Variants in AUTS2 observed in about 807,000 individuals in gnomAD.
AUTS2 encodes the protein autism susceptibility gene 2 protein.
In AUTS2, 17 loss-of-function variants were observed where a neutral mutation model predicts 112.4. The observed-to-expected ratio is 0.15, with a 90% confidence interval of 0.10 to 0.23. The LOEUF (loss-of-function observed/expected upper bound fraction) is 0.23. AUTS2 is among the 10% of genes least tolerant of loss of function. The pLI is 1.00. For missense variants in AUTS2, 1,510 were observed against 1,701.6 expected, an observed-to-expected ratio of 0.89 and a Z score of 1.98; for synonymous variants, 751 against 702.7, an observed-to-expected ratio of 1.07 and a Z score of -1.09.
At chr7:69,947,078 C>T (rs1170227871) in intron 2 of AUTS2, among the ~76,000 whole-genome samples, 4 of 152,190 alleles carry the variant, frequency 2.6e-5, no homozygotes, top group South Asian at 4.1e-4. Flanking sequence ...GTTGTCGTTA[C>T]AGATGCTCCG....
chr7:70,428,388 C>T (rs909793254), intron 4 of AUTS2, among the ~76,000 whole-genome samples: 1 of 152,124 alleles, frequency 6.6e-6, no homozygotes. Context: ...TTTTTAGTCA[C>T]CATGCTGCTA....
chr7:70,776,893 C>G (rs1445705391), intron 13 of AUTS2: 3 of 597,278 alleles, frequency 5.0e-6, no homozygotes, highest in Admixed American at 3.0e-5. Flanking sequence ...GAGTAGCAAA[C>G]CCACGTGGGG....
At chr7:70,636,868 C>T (rs950215103) in intron 5 of AUTS2, among the ~76,000 whole-genome samples, 11 of 152,002 alleles carry the variant, frequency 7.2e-5, no homozygotes, top group African/African-American at 1.7e-4. Flanking sequence ...GTCTTGAACT[C>T]GTGGCCTCAA....
intron 1 of AUTS2, among the ~76,000 whole-genome samples, chr7:69,678,677 G>T (rs961040144): frequency 1.3e-5 from 2 of 152,192 alleles, no homozygotes; most frequent in Admixed American, 6.5e-5. Context: ...TGTTCTTGTG[G>T]AAGGGAGGAA....
intron 1 of AUTS2, among the ~76,000 whole-genome samples, chr7:69,745,475 C>G (rs530527093): frequency 6.6e-6 from 1 of 152,312 alleles, no homozygotes; most frequent in Non-Finnish European, 1.5e-5. Context: ...ACTGTTACCA[C>G]TGCATCAGAG....
chr7:70,553,485 T>G (rs1205412450), intron 5 of AUTS2, among the ~76,000 whole-genome samples: 2 of 152,180 alleles, frequency 1.3e-5, no homozygotes, highest in Non-Finnish European at 2.9e-5. Context: ...CTGTTGGCAG[T>G]GTTTTTGTGC....
chr7:69,921,342 T>G (rs965438468), intron 2 of AUTS2, among the ~76,000 whole-genome samples: 6 of 150,620 alleles, frequency 4.0e-5, no homozygotes, highest in South Asian at 2.1e-4. Context: ...TTTTTTTTTT[T>G]TTTTTTTTTT....
chr7:70,361,735 G>C (rs1200803725), intron 4 of AUTS2, among the ~76,000 whole-genome samples: 1 of 152,192 alleles, frequency 6.6e-6, no homozygotes, highest in African/African-American at 2.4e-5. Context: ...CAGGGAGTAA[G>C]TAATACATGC....
At chr7:70,245,170 A>ATATATAT (rs57817453) in intron 4 of AUTS2, among the ~76,000 whole-genome samples, 46 of 133,724 alleles carry the variant, frequency 3.4e-4, no homozygotes, top group Middle Eastern at 4.1e-3. Context: ...ATATATATAT[A>ATATATAT]AAAAATAAAA....
At chr7:70,776,185 G>A (rs945589791) in intron 13 of AUTS2, among the ~76,000 whole-genome samples, 3 of 152,226 alleles carry the variant, frequency 2.0e-5, no homozygotes, top group African/African-American at 7.2e-5. Flanking sequence ...ACTCCATACT[G>A]TAGAAACCAG....
At chr7:70,290,892 A>AAAT (rs1174881358) in intron 4 of AUTS2, 1 of 158,044 alleles carries the variant, frequency 6.3e-6, no homozygotes, top group African/African-American at 2.4e-5. Flanking sequence ...AATAAATTTA[A>AAAT]AATAACCGTG....
intron 2 of AUTS2, among the ~76,000 whole-genome samples, chr7:70,027,969 A>G (rs1800596654): frequency 1.3e-5 from 2 of 152,196 alleles, no homozygotes; most frequent in Admixed American, 1.3e-4. Flanking sequence ...AGTGGAATTA[A>G]GACAGTCATA....
At chr7:70,011,687 T>G (rs1403565518) in intron 2 of AUTS2, among the ~76,000 whole-genome samples, 1 of 152,080 alleles carries the variant, frequency 6.6e-6, no homozygotes, top group Non-Finnish European at 1.5e-5. Context: ...AACAAGCAGT[T>G]CTTAGCTTTT....
At chr7:70,471,779 T>C (rs1472221811) in intron 5 of AUTS2, among the ~76,000 whole-genome samples, 1 of 152,090 alleles carries the variant, frequency 6.6e-6, no homozygotes, top group East Asian at 1.9e-4. Flanking sequence ...AGCGAAGATC[T>C]GAAGGAGGTG....
intron 2 of AUTS2, among the ~76,000 whole-genome samples, chr7:69,985,854 C>T (rs1367378744): frequency 6.6e-6 from 1 of 151,904 alleles, no homozygotes; most frequent in South Asian, 2.1e-4. Flanking sequence ...CTCCTCGGTT[C>T]AAGTGATCCT....
chr7:70,509,008 C>T (rs1197896314), intron 5 of AUTS2, among the ~76,000 whole-genome samples: 6 of 152,154 alleles, frequency 3.9e-5, no homozygotes, highest in Non-Finnish European at 8.8e-5. Flanking sequence ...ATACTTTTCT[C>T]CTTTCATTAT....
chr7:69,727,957 T>C (rs1164507760), intron 1 of AUTS2, among the ~76,000 whole-genome samples: 1 of 152,186 alleles, frequency 6.6e-6, no homozygotes, highest in Non-Finnish European at 1.5e-5. Context: ...GAACAGAATC[T>C]CGTTCATTCC....
At position 70,781,707 on chromosome 7, in the gene AUTS2, C is replaced by T. The variant is rs534683717; in HGVS notation, c.2097C>T (p.Ile699=). The T allele has an allele frequency of 2.6e-5, 42 of 1,614,200 alleles. No individual in the cohort carries two copies. The East Asian group carries it at 8.5e-4, about 33-fold the overall frequency. ...CAGGCCCCAGTCTTTTTGGAGCCAT[C>T]CACCACCCCCATGACCTGGCACGGC... The part of the protein sequence containing the change: ...RPPGPSLFGA[I]HHPHDLARPS... Residue 699 remains isoleucine (I), a synonymous_variant, in exon 15 of 19, where the codon ATC becomes ATT. Coordinates refer to ENST00000342771, the MANE Select transcript of AUTS2 (RefSeq NM_015570.4).
intron 5 of AUTS2, among the ~76,000 whole-genome samples, chr7:70,477,600 A>T (rs994789754): frequency 6.6e-6 from 1 of 152,138 alleles, no homozygotes; most frequent in African/African-American, 2.4e-5. Context: ...GCTGGCACGT[A>T]CCTGATTTGG....
Sources: allele counts gnomAD v4.1 joint callset (sites outside exome capture counted in the v4.1 genomes callset), GRCh38; gene constraint gnomAD v4.1.1; transcripts MANE v1.5; gene names NCBI Gene and HGNC (gene_info 2026-07-23, HGNC 2026-07-21).